Variants in ZDHHC21 observed in about 807,000 individuals in gnomAD.
The protein encoded by ZDHHC21 is zDHHC palmitoyltransferase 21.
Under a neutral mutation model 34.6 loss-of-function variants are expected in ZDHHC21, and 15 were observed. That is an observed-to-expected ratio of 0.43 (90% CI 0.29 to 0.67). The LOEUF (loss-of-function observed/expected upper bound fraction) is 0.67, where lower values mean the gene tolerates loss of function less well. Ranked by LOEUF, ZDHHC21 falls within the 30% of genes least tolerant of loss-of-function variation. The pLI, the probability that ZDHHC21 is intolerant of heterozygous loss-of-function variation, is 0.14. For synonymous variants in ZDHHC21, 142 were observed against 101.8 expected, an observed-to-expected ratio of 1.40 and a Z score of -2.38; for missense variants, 344 against 327.7, an observed-to-expected ratio of 1.05 and a Z score of -0.38.
downstream of ZDHHC21, among the ~76,000 whole-genome samples, chr9:14,608,650 G>C (rs1034638969): frequency 1.3e-5 from 2 of 151,762 alleles, no homozygotes; most frequent in Non-Finnish European, 2.9e-5. Context: ...TTTTAAGTTA[G>C]CTTAGATGTA....
chr9:14,687,530 G>A lies in ZDHHC21; in HGVS notation c.-176+2807C>T, dbSNP rs999969611. On this transcript the variant is annotated intron_variant, in intron 2 of 9. Transcript: ENST00000380916. ...TACCAAAAATACAACAATTAGCCAGGCATAGTGGCGCCCGCCTGTAATCCC... is the reference window on the plus strand; with the variant it reads ...TACCAAAAATACAACAATTAGCCAGACATAGTGGCGCCCGCCTGTAATCCC... 7.3e-5 allele frequency among the ~76,000 whole-genome samples: 11 copies of A among 150,650 alleles called. 1 individual carries two copies. Among genetic ancestry groups the A allele is most frequent in the African/African-American group, 2.7e-4 (11 of 40,026 alleles).
chr9:14,624,468 T>C (rs553773363), intron 8 of ZDHHC21, among the ~76,000 whole-genome samples: 1 of 152,064 alleles, frequency 6.6e-6, no homozygotes, highest in African/African-American at 2.4e-5. Flanking sequence ...ATATACACAA[T>C]GGAATACTAA....
At chr9:14,635,774 T>C (rs1372042767) in intron 8 of ZDHHC21, among the ~76,000 whole-genome samples, 5 of 152,110 alleles carry the variant, frequency 3.3e-5, no homozygotes, top group East Asian at 1.9e-4. Flanking sequence ...GGCACAAGAA[T>C]TGCTTGAACC....
intron 2 of ZDHHC21, among the ~76,000 whole-genome samples, chr9:14,681,921 T>C (rs1446744069): frequency 2.6e-5 from 4 of 152,126 alleles, no homozygotes; most frequent in Non-Finnish European, 5.9e-5. Flanking sequence ...CAACCCAGAA[T>C]TTCATATCCA....
chr9:14,620,744 C>T (rs897266833), intron 8 of ZDHHC21, among the ~76,000 whole-genome samples: 1 of 152,018 alleles, frequency 6.6e-6, no homozygotes, highest in African/African-American at 2.4e-5. Context: ...TGCATAACTA[C>T]AGTTAGCCTA....
intron 2 of ZDHHC21, among the ~76,000 whole-genome samples, chr9:14,687,313 C>T (rs924688159): frequency 9.3e-5 from 14 of 150,644 alleles, no homozygotes; most frequent in Admixed American, 6.6e-4. Flanking sequence ...AAATGAGATT[C>T]GTATTTCAGT....
chr9:14,649,094 G>T (rs1218593750), intron 7 of ZDHHC21, among the ~76,000 whole-genome samples: 1 of 151,890 alleles, frequency 6.6e-6, no homozygotes, highest in East Asian at 1.9e-4. Flanking sequence ...GATGCCAGTA[G>T]CACTCCCCTA....
At chr9:14,672,752 A>ATG in intron 5 of ZDHHC21, 78 bp downstream of exon 5, 1 of 954,752 alleles carries the variant, frequency 1.0e-6, no homozygotes, top group Non-Finnish European at 1.6e-6. Flanking sequence ...TAACCAATAT[A>ATG]TATTAAAGGC....
intron 2 of ZDHHC21, among the ~76,000 whole-genome samples, chr9:14,685,305 C>G (rs1015768004): frequency 1.3e-5 from 2 of 151,996 alleles, no homozygotes; most frequent in African/African-American, 4.8e-5. Context: ...ATCTACTCAT[C>G]TGACAAAGGG....
the ZDHHC21 span, among the ~76,000 whole-genome samples, chr9:14,605,465 T>C: frequency 6.6e-6 from 1 of 152,204 alleles, no homozygotes; most frequent in Non-Finnish European, 1.5e-5. Flanking sequence ...ACGTACCTGT[T>C]GGTCATTTGT....
chr9:14,628,164 C>T (rs1450799334), intron 8 of ZDHHC21, among the ~76,000 whole-genome samples: 1 of 152,026 alleles, frequency 6.6e-6, no homozygotes. Context: ...TTAACAGAAA[C>T]ATCTGGTTGT....
At chr9:14,659,990 T>C (rs1315002307) in intron 6 of ZDHHC21, among the ~76,000 whole-genome samples, 2 of 152,216 alleles carry the variant, frequency 1.3e-5, no homozygotes, top group Non-Finnish European at 2.9e-5. Context: ...GATCACAGCA[T>C]TCTTCTTAAC....
intron 5 of ZDHHC21, among the ~76,000 whole-genome samples, chr9:14,665,313 A>T (rs2133981832): frequency 7.2e-6 from 1 of 138,202 alleles, no homozygotes; most frequent in East Asian, 2.1e-4. Context: ...GAATAAAAAG[A>T]AATGAGCAAA....
intron 5 of ZDHHC21, among the ~76,000 whole-genome samples, chr9:14,668,702 A>G (rs1243056421): frequency 7.1e-6 from 1 of 141,354 alleles, no homozygotes; most frequent in Non-Finnish European, 1.5e-5. Context: ...ATGCCGCATA[A>G]CTACAACTAT....
chr9:14,612,159 T>C lies in ZDHHC21; in HGVS notation c.*6807A>G, dbSNP rs1270228702. On this transcript the variant is annotated 3_prime_UTR_variant, in exon 10 of 10. Coordinates refer to ENST00000380916, the MANE Select transcript of ZDHHC21 (RefSeq NM_178566.6). ...CTAATGATATGTTCATCTAGATTTC[T>C]ACATATCGTTCAAATGATCTGAAGC... is the stretch of plus-strand genomic sequence containing the variant. 2.0e-5 allele frequency: 3 copies of C among 152,110 alleles called. No individual in the cohort carries two copies. Among genetic ancestry groups the C allele is most frequent in the African/African-American group, 7.2e-5 (3 of 41,458 alleles). The allele number at this position is 152,110 out of a possible 1,614,324, so 9.4% of individuals were successfully genotyped here.
chr9:14,677,696 A>G (rs1227373752), intron 3 of ZDHHC21, among the ~76,000 whole-genome samples: 1 of 152,106 alleles, frequency 6.6e-6, no homozygotes, highest in Non-Finnish European at 1.5e-5. Context: ...GACTACAGTG[A>G]CTAAATGATG....
At chr9:14,641,994 T>C (rs1417256887) in intron 7 of ZDHHC21, among the ~76,000 whole-genome samples, 1 of 152,270 alleles carries the variant, frequency 6.6e-6, no homozygotes, top group African/African-American at 2.4e-5. Flanking sequence ...AAAATTACCA[T>C]CTATGACCAA....
chr9:14,651,856 G>A (rs1173969374), intron 7 of ZDHHC21, among the ~76,000 whole-genome samples: 1 of 151,878 alleles, frequency 6.6e-6, no homozygotes, highest in African/African-American at 2.4e-5. Context: ...GGTAAAAAAT[G>A]AAAGTTCATT....
At chr9:14,625,874 T>C (rs1426461591) in intron 8 of ZDHHC21, among the ~76,000 whole-genome samples, 1 of 151,954 alleles carries the variant, frequency 6.6e-6, no homozygotes, top group Non-Finnish European at 1.5e-5. Flanking sequence ...CATTTATCCA[T>C]CTATCAAAAA....
Sources: gnomAD v4.1 joint callset for allele counts (sites outside exome capture counted in the v4.1 genomes callset) on GRCh38, gnomAD v4.1.1 for gene constraint, MANE v1.5 for transcripts, NCBI Gene and HGNC (gene_info 2026-07-23, HGNC 2026-07-21) for gene names.